Variants in FHIT observed in about 807,000 individuals in gnomAD.
FHIT encodes the protein fragile histidine triad diadenosine triphosphatase.
In FHIT, 19 loss-of-function variants were observed where a neutral mutation model predicts 17.9. The ratio of observed to expected loss-of-function variants is 1.06; its 90% CI spans 0.74 to 1.56. The LOEUF (loss-of-function observed/expected upper bound fraction) is 1.56, where lower values mean the gene tolerates loss of function less well. FHIT is among the 40% of genes most tolerant of loss of function. The pLI, the probability that FHIT is intolerant of heterozygous loss-of-function variation, is 0.00. For missense variants in FHIT, 248 were observed against 189.2 expected (o/e 1.31, Z -1.82); for synonymous variants, 81 against 69.7 (o/e 1.16, Z -0.81).
chr3:59,818,599 G>A (rs1339990861), intron 8 of FHIT, among the ~76,000 whole-genome samples: 9 of 152,076 alleles, frequency 5.9e-5, no homozygotes, highest in South Asian at 2.1e-4. Context: ...AATGTGACCC[G>A]GCAGCCCTTT....
At chr3:60,540,677 T>C (rs1331356995) in intron 4 of FHIT, among the ~76,000 whole-genome samples, 1 of 152,184 alleles carries the variant, frequency 6.6e-6, no homozygotes, top group Non-Finnish European at 1.5e-5. Flanking sequence ...CCTTATTTTA[T>C]ATAGCACATG....
chr3:60,156,095 T>G (rs1363472465), intron 5 of FHIT, among the ~76,000 whole-genome samples: 1 of 152,184 alleles, frequency 6.6e-6, no homozygotes, highest in Non-Finnish European at 1.5e-5. Flanking sequence ...GGCTCATGCC[T>G]GTAATCCCAG....
At chr3:61,189,149 G>C (rs527721497) in intron 2 of FHIT, among the ~76,000 whole-genome samples, 38 of 152,202 alleles carry the variant, frequency 2.5e-4, no homozygotes, top group Non-Finnish European at 5.0e-4. Context: ...AACTGTCCCT[G>C]TTTGCCGATG....
intron 2 of FHIT, among the ~76,000 whole-genome samples, chr3:61,074,722 G>A (rs1402368067): frequency 6.6e-6 from 1 of 152,092 alleles, no homozygotes; most frequent in African/African-American, 2.4e-5. Context: ...AATGATCAAA[G>A]ACAAATATTC....
intron 4 of FHIT, among the ~76,000 whole-genome samples, chr3:60,757,143 G>A (rs1380170260): frequency 6.6e-6 from 1 of 151,796 alleles, no homozygotes. Flanking sequence ...AAATACTAAA[G>A]AGATAGAAAT....
chr3:60,346,108 C>G (rs1169888284), intron 5 of FHIT, among the ~76,000 whole-genome samples: 1 of 152,160 alleles, frequency 6.6e-6, no homozygotes, highest in African/African-American at 2.4e-5. Flanking sequence ...AGAGTGTGTT[C>G]CCTGCCAACA....
At chr3:60,570,236 G>C (rs2037327325) in intron 4 of FHIT, among the ~76,000 whole-genome samples, 1 of 152,156 alleles carries the variant, frequency 6.6e-6, no homozygotes, top group African/African-American at 2.4e-5. Flanking sequence ...GTTCAGCAGA[G>C]AGACTGTCCT....
At chr3:60,270,907 A>G (rs1706827459) in intron 5 of FHIT, among the ~76,000 whole-genome samples, 5 of 152,234 alleles carry the variant, frequency 3.3e-5, no homozygotes. Context: ...TCTTCTTGCA[A>G]TAGGTCATAG....
intron 8 of FHIT, among the ~76,000 whole-genome samples, chr3:59,908,844 A>ATTTTTTTTTTTTTTTTTTTTT (rs1359496474): frequency 6.6e-6 from 1 of 150,754 alleles, no homozygotes; most frequent in Non-Finnish European, 1.5e-5. Flanking sequence ...AGAACATTTC[A>ATTTTTTTTTTTTTTTTTTTTT]TTTTTTAATA....
At chr3:60,324,573 G>GAAAAAAAA (rs4022385) in intron 5 of FHIT, among the ~76,000 whole-genome samples, 2 of 128,844 alleles carry the variant, frequency 1.6e-5, no homozygotes, top group Non-Finnish European at 1.6e-5. Context: ...GACTCCATCA[G>GAAAAAAAA]AAAAAAAAAA....
intron 5 of FHIT, among the ~76,000 whole-genome samples, chr3:60,389,788 T>G (rs1202530916): frequency 6.6e-6 from 1 of 152,218 alleles, no homozygotes; most frequent in Non-Finnish European, 1.5e-5. Context: ...TTGAGTCTAC[T>G]ATACACCTGT....
At chr3:60,248,078 A>G (rs1243242722) in intron 5 of FHIT, among the ~76,000 whole-genome samples, 1 of 152,170 alleles carries the variant, frequency 6.6e-6, no homozygotes, top group African/African-American at 2.4e-5. Context: ...AACCATATCT[A>G]AAAATTGTCA....
At chr3:60,277,302 G>A (rs1326486333) in intron 5 of FHIT, among the ~76,000 whole-genome samples, 3 of 152,066 alleles carry the variant, frequency 2.0e-5, no homozygotes, top group East Asian at 1.9e-4. Flanking sequence ...GGAGTCCTCC[G>A]TAAGGTTTTC....
intron 5 of FHIT, among the ~76,000 whole-genome samples, chr3:60,383,918 C>A (rs1247631288): frequency 1.3e-5 from 2 of 152,012 alleles, no homozygotes; most frequent in African/African-American, 4.8e-5. Context: ...AAAACATGAC[C>A]ATCTTTACAG....
intron 8 of FHIT, among the ~76,000 whole-genome samples, chr3:59,906,001 A>G (rs929740486): frequency 2.0e-5 from 3 of 152,176 alleles, no homozygotes; most frequent in Non-Finnish European, 4.4e-5. Context: ...ACTTTTCATT[A>G]AAAAGATAAG....
intron 8 of FHIT, among the ~76,000 whole-genome samples, chr3:59,870,870 T>TGC (rs1553701993): frequency 5.0e-4 from 40 of 79,856 alleles, no homozygotes; most frequent in Admixed American, 2.0e-3. Flanking sequence ...TGTGTGTGTG[T>TGC]GTGCGTGTGT....
chr3:60,564,588 A>T (rs1399947579), intron 4 of FHIT, among the ~76,000 whole-genome samples: 1 of 152,186 alleles, frequency 6.6e-6, no homozygotes, highest in Non-Finnish European at 1.5e-5. Flanking sequence ...ATAGTTTAGA[A>T]GAAGTTGATT....
chr3:60,737,535 G>A (rs911619740), intron 4 of FHIT, among the ~76,000 whole-genome samples: 1 of 152,162 alleles, frequency 6.6e-6, no homozygotes, highest in Non-Finnish European at 1.5e-5. Flanking sequence ...CATTGTGTTG[G>A]TACACCAACA....
At chr3:60,212,054 T>G (rs1703475690) in intron 5 of FHIT, among the ~76,000 whole-genome samples, 1 of 152,210 alleles carries the variant, frequency 6.6e-6, no homozygotes, top group African/African-American at 2.4e-5. Flanking sequence ...TGGCCAAGTC[T>G]GCTCACGCCC....
Sources: gnomAD v4.1 joint callset for allele counts (sites outside exome capture counted in the v4.1 genomes callset) on GRCh38, gnomAD v4.1.1 for gene constraint, MANE v1.5 for transcripts, NCBI Gene and HGNC (gene_info 2026-07-23, HGNC 2026-07-21) for gene names.